AADACL2: variants seen among roughly 807,000 people sequenced by gnomAD.
AADACL2 encodes arylacetamide deacetylase like 2.
AADACL2 carries 23 observed loss-of-function variants against 22.3 expected under a neutral mutation model. The ratio of observed to expected loss-of-function variants is 1.03; its 90% CI spans 0.74 to 1.46. The LOEUF is 1.46. AADACL2 is among the 40% of genes most tolerant of loss of function. The pLI is 0.00. For missense variants in AADACL2, 472 were observed against 482.9 expected, an observed-to-expected ratio of 0.98 and a Z score of 0.21; for synonymous variants, 177 against 166.2, an observed-to-expected ratio of 1.07 and a Z score of -0.50.
chr3:151,757,758 C>T lies in AADACL2; in HGVS notation c.*164C>T. 4.0e-6 allele frequency: 3 copies of T among 753,006 alleles called. No homozygotes were observed. The highest frequency in any genetic ancestry group is 1.8e-5 in the African/African-American group (1 of 56,762). 46.6% of individuals were successfully genotyped at this position (753,006 alleles called of 1,614,324 possible). On this transcript the variant is annotated 3_prime_UTR_variant, in exon 5 of 5. Transcript: ENST00000356517. Reference sequence around the variant, plus strand: ...AAGAGTTATTAAATTTTCTGACTTGCAGACCCTGAATATGTAAAATGTATG... The same window carrying T: ...AAGAGTTATTAAATTTTCTGACTTGTAGACCCTGAATATGTAAAATGTATG...
chr3:151,749,586 C>T (rs964539348), intron 4 of AADACL2, among the ~76,000 whole-genome samples: 6 of 151,970 alleles, frequency 3.9e-5, no homozygotes, highest in African/African-American at 1.4e-4. Flanking sequence ...GGGTTCATGC[C>T]ATTCTCCTGC....
chr3:151,751,733 G>T (rs1448228266), intron 4 of AADACL2, among the ~76,000 whole-genome samples: 1 of 151,954 alleles, frequency 6.6e-6, no homozygotes, highest in Non-Finnish European at 1.5e-5. Context: ...ACAATTGGAT[G>T]TAGCCATACA....
intron 4 of AADACL2, among the ~76,000 whole-genome samples, chr3:151,746,451 T>G (rs568193361): frequency 1.3e-5 from 2 of 151,744 alleles, no homozygotes; most frequent in Admixed American, 1.3e-4. Flanking sequence ...TACTTGTTCC[T>G]TTTAATTTTT....
At chr3:151,748,838 A>G (rs928101774) in intron 4 of AADACL2, among the ~76,000 whole-genome samples, 2 of 152,210 alleles carry the variant, frequency 1.3e-5, no homozygotes, top group African/African-American at 4.8e-5. Context: ...ATTCTATTGT[A>G]GTAGTGCTAA....
chr3:151,743,238 T>A (rs1040499754), intron 2 of AADACL2, among the ~76,000 whole-genome samples: 1 of 152,238 alleles, frequency 6.6e-6, no homozygotes, highest in Non-Finnish European at 1.5e-5. Flanking sequence ...GTGGTTAGTT[T>A]TCACTTTGCA....
rs1713973370 is a variant in AADACL2 at position 151,757,503 on chromosome 3, G to A, written c.1115G>A (p.Gly372Glu). 1 of 1,613,578 alleles carries A rather than the reference G, an allele frequency of 6.2e-7. No homozygotes were observed. Among genetic ancestry groups the A allele is most frequent in the Non-Finnish European group, 8.5e-7 (1 of 1,179,616 alleles). ...VHEHIEDGIH[G>E]ALSFMTSPFY... ...GAACATATTGAGGATGGAATTCATG[G>A]AGCTTTATCATTCATGACTTCACCA... The change falls in exon 5 of 5, where the codon GGA becomes GAA. Residue 372 changes from glycine (G) to glutamate (E), a missense_variant. This residue lies in a region of AADACL2 where 113 missense variants were observed against 100.9 expected (regional missense o/e 1.12). Coordinates refer to ENST00000356517, the MANE Select transcript of AADACL2 (RefSeq NM_207365.4).
In AADACL2 at chr3:151,759,666, TTTTTA is replaced by T. The variant is rs1714080520; in HGVS notation, c.*2076_*2080del. On this transcript the variant is annotated 3_prime_UTR_variant, in exon 5 of 5. Transcript: ENST00000356517. ...ATGCTAAGGTAGGCCAGTCAATCCT[TTTTTA>T]TTTATTTTGTAAATTTGGTCCCAGA... 1 of 152,202 alleles carries T rather than the reference TTTTTA, an allele frequency of 6.6e-6. No individual in the cohort carries two copies. The highest frequency in any genetic ancestry group is 6.5e-5 in the Admixed American group (1 of 15,272). 9.4% of individuals were successfully genotyped at this position (152,202 alleles called of 1,614,324 possible).
intron 3 of AADACL2, 23 bp from the exon 4 acceptor site, chr3:151,745,486 G>C: frequency 6.3e-7 from 1 of 1,599,952 alleles, no homozygotes; most frequent in Non-Finnish European, 8.5e-7. Flanking sequence ...AACCATAAAT[G>C]CTTTATTATT....
rs1218108084 is a variant in AADACL2 at position 151,758,460 on chromosome 3, T to A, written c.*866T>A. On this transcript the variant is annotated 3_prime_UTR_variant, in exon 5 of 5. Transcript: ENST00000356517. ...GCAGATTTCCCCACCCTTTTCTATA[T>A]AAAGTAACCTTCAGAGATTAGGATG... is the stretch of plus-strand genomic sequence containing the variant. The A allele has an allele frequency of 6.6e-6, 1 of 152,102 alleles. No individual in the cohort carries two copies. The highest frequency in any genetic ancestry group is 1.9e-4 in the East Asian group (1 of 5,200). The allele number at this position is 152,102 out of a possible 1,614,324, so 9.4% of individuals were successfully genotyped here.
chr3:151,746,709 T>A (rs1713458165), intron 4 of AADACL2, among the ~76,000 whole-genome samples: 1 of 152,128 alleles, frequency 6.6e-6, no homozygotes, highest in African/African-American at 2.4e-5. Context: ...ATGTAATTTT[T>A]CTTATTTATT....
chr3:151,749,618 G>C (rs1280412799), intron 4 of AADACL2, among the ~76,000 whole-genome samples: 1 of 152,056 alleles, frequency 6.6e-6, no homozygotes, highest in East Asian at 1.9e-4. Flanking sequence ...GAGTAGCTGG[G>C]ACTACAGGCA....
intron 4 of AADACL2, among the ~76,000 whole-genome samples, chr3:151,752,193 A>AT (rs1291021356): frequency 6.6e-6 from 1 of 152,078 alleles, no homozygotes. Context: ...TATAGAGCTC[A>AT]TTTTTTCCAA....
intron 1 of AADACL2, 117 bp downstream of exon 1, chr3:151,734,290 C>A: frequency 2.6e-6 from 3 of 1,154,730 alleles, no homozygotes; most frequent in Non-Finnish European, 3.6e-6. Context: ...AGAACCATTG[C>A]TTGTTTGAGT....
intron 1 of AADACL2, among the ~76,000 whole-genome samples, chr3:151,736,890 G>T (rs182925201): frequency 6.6e-5 from 10 of 152,254 alleles, no homozygotes; most frequent in African/African-American, 2.4e-4. Context: ...GATCATTGAG[G>T]AATTGCCACA....
At chr3:151,740,304 C>T (rs1012699542) in intron 1 of AADACL2, among the ~76,000 whole-genome samples, 3 of 152,140 alleles carry the variant, frequency 2.0e-5, no homozygotes, top group Admixed American at 6.5e-5. Context: ...TGCTTCTGTT[C>T]GCCCTCTGTG....
At chr3:151,745,172 T>C (rs1713398530) in intron 3 of AADACL2, among the ~76,000 whole-genome samples, 1 of 152,090 alleles carries the variant, frequency 6.6e-6, no homozygotes, top group South Asian at 2.1e-4. Flanking sequence ...TAAAAAAATG[T>C]TTGGATTACA....
chr3:151,743,585 A>G (rs1713347341), intron 2 of AADACL2, among the ~76,000 whole-genome samples: 1 of 152,168 alleles, frequency 6.6e-6, no homozygotes, highest in Non-Finnish European at 1.5e-5. Context: ...TTATTGGACT[A>G]TTTTATTATG....
chr3:151,756,861 T>C, intron 4 of AADACL2, 131 bp from the exon 5 acceptor site: 1 of 646,628 alleles, frequency 1.5e-6, no homozygotes, highest in Non-Finnish European at 2.2e-6. Context: ...ATAAATATTA[T>C]AAAAATAATT....
intron 1 of AADACL2, among the ~76,000 whole-genome samples, chr3:151,738,229 G>C (rs9826316): frequency 0.35 from 53,800 of 151,736 alleles, 9,713 homozygotes; most frequent in Middle Eastern, 0.5. Context: ...GTCTGGAAAA[G>C]ATTTCATTTC....
Sources: gnomAD v4.1 joint callset for allele counts (sites outside exome capture counted in the v4.1 genomes callset) on GRCh38, gnomAD v4.1.1 for gene constraint, gnomAD v4.1.1 regional missense constraint, MANE v1.5 for transcripts, NCBI Gene and HGNC (gene_info 2026-07-23, HGNC 2026-07-21) for gene names.